The following CDH20 variants were observed in gnomAD, a reference collection of about 807,000 sequenced individuals.
CDH20 encodes the protein cadherin 20.
CDH20 carries 29 observed loss-of-function variants against 74.2 expected under a neutral mutation model. The ratio of observed to expected loss-of-function variants is 0.39; its 90% CI spans 0.29 to 0.53. CDH20 has a LOEUF of 0.53. Ranked by LOEUF, CDH20 falls within the 20% of genes least tolerant of loss-of-function variation. The probability of loss-of-function intolerance (pLI) is 0.69; values close to 1 mark genes in which losing one functional copy is unlikely to be tolerated. For missense variants in CDH20, 988 were observed against 1,048.3 expected (o/e 0.94, Z 0.79); for synonymous variants, 469 against 405.4 (o/e 1.16, Z -1.88).
chr18:61,510,461 A>C (rs1911738673), intron 6 of CDH20, among the ~76,000 whole-genome samples: 1 of 152,192 alleles, frequency 6.6e-6, no homozygotes, highest in Admixed American at 6.5e-5. Context: ...CTTGACAAAA[A>C]CCACAGTTAT....
chr18:61,506,243 G>A (rs1757613087), intron 5 of CDH20, among the ~76,000 whole-genome samples: 1 of 152,218 alleles, frequency 6.6e-6, no homozygotes, highest in Non-Finnish European at 1.5e-5. Context: ...TTCTGCAACA[G>A]CAAAGTGTAA....
At chr18:61,540,134 CCT>C (rs2144395019) in intron 9 of CDH20, among the ~76,000 whole-genome samples, 1 of 152,272 alleles carries the variant, frequency 6.6e-6, no homozygotes, top group Non-Finnish European at 1.5e-5. Context: ...GCTTTCCTCC[CCT>C]GTGTATGACC....
chr18:61,498,451 G>A (rs1911249952), intron 2 of CDH20, among the ~76,000 whole-genome samples: 1 of 151,512 alleles, frequency 6.6e-6, no homozygotes, highest in South Asian at 2.1e-4. Context: ...ATAGCTGCAT[G>A]GTCAGATAAA....
At chr18:61,418,982 A>G (rs950616961) in intron 1 of CDH20, among the ~76,000 whole-genome samples, 3 of 152,170 alleles carry the variant, frequency 2.0e-5, no homozygotes, top group African/African-American at 7.2e-5. Flanking sequence ...TCTATACATC[A>G]GAACTCATAT....
At chr18:61,349,874 G>T (rs989992123) in intron 1 of CDH20, among the ~76,000 whole-genome samples, 1 of 152,036 alleles carries the variant, frequency 6.6e-6, no homozygotes, top group Non-Finnish European at 1.5e-5. Flanking sequence ...AACTACATGA[G>T]CTGAAGATTT....
chr18:61,357,289 T>C (rs17068214), intron 1 of CDH20, among the ~76,000 whole-genome samples: 6,343 of 152,314 alleles, frequency 0.042, 188 homozygotes, highest in South Asian at 0.057. Flanking sequence ...CCCTAACCAT[T>C]TGTACTTTTA....
At chr18:61,396,701 A>G (rs369225284) in intron 1 of CDH20, among the ~76,000 whole-genome samples, 28 of 152,232 alleles carry the variant, frequency 1.8e-4, no homozygotes, top group African/African-American at 6.8e-4. Flanking sequence ...TTCAGTCCAT[A>G]AATGCACATG....
chr18:61,500,082 G>A (rs1013316357), intron 3 of CDH20, among the ~76,000 whole-genome samples: 1 of 114,794 alleles, frequency 8.7e-6, no homozygotes, highest in Non-Finnish European at 1.7e-5. Flanking sequence ...CCAGCCTGGC[G>A]ACAGAGTGAG....
chr18:61,506,564 A>C (rs895822173), intron 5 of CDH20, among the ~76,000 whole-genome samples: 1 of 152,228 alleles, frequency 6.6e-6, no homozygotes, highest in Non-Finnish European at 1.5e-5. Flanking sequence ...TGATTGACAA[A>C]ATAACAAAAA....
intron 1 of CDH20, among the ~76,000 whole-genome samples, chr18:61,456,484 T>C (rs1909573938): frequency 3.9e-5 from 6 of 152,186 alleles, no homozygotes; most frequent in Admixed American, 3.9e-4. Flanking sequence ...GAGCTGCTTT[T>C]ATGTTTAAAA....
intron 1 of CDH20, among the ~76,000 whole-genome samples, chr18:61,420,272 C>T (rs1455845935): frequency 6.6e-6 from 1 of 151,948 alleles, no homozygotes; most frequent in Non-Finnish European, 1.5e-5. Flanking sequence ...TGCTGCTAAC[C>T]TAATTTATGA....
chr18:61,543,726 C>T lies in CDH20; in HGVS notation c.1531-1301C>T, dbSNP rs185341537. The stretch of plus-strand genomic sequence containing the variant: ...TCTCCCTCCTGCCAACAAAATGTGA[C>T]TCTCTGTGACCCATTCCCTCATGTC... On this transcript the variant is annotated intron_variant, in intron 9 of 11. Transcript: ENST00000262717. Among the ~76,000 whole-genome samples the T allele has an allele frequency of 1.5e-3, 224 of 152,324 alleles. 2 individuals carry two copies. Among genetic ancestry groups the T allele is most frequent in the Non-Finnish European group, 7.3e-5 (5 of 68,032 alleles).
intron 1 of CDH20, among the ~76,000 whole-genome samples, chr18:61,445,272 A>C (rs1456600009): frequency 6.6e-6 from 1 of 152,002 alleles, no homozygotes; most frequent in Non-Finnish European, 1.5e-5. Flanking sequence ...AATCTATAAC[A>C]ACCCTGCAAG....
At chr18:61,451,529 C>G (rs1263460845) in intron 1 of CDH20, among the ~76,000 whole-genome samples, 1 of 151,922 alleles carries the variant, frequency 6.6e-6, no homozygotes, top group Non-Finnish European at 1.5e-5. Flanking sequence ...AGTATTTATA[C>G]TATGGAAATC....
intron 1 of CDH20, among the ~76,000 whole-genome samples, chr18:61,484,737 CCACACACACACACACA>C (rs36203080): frequency 0.012 from 1,804 of 146,324 alleles, 33 homozygotes; most frequent in African/African-American, 0.03. Context: ...TTGCTCTACT[CCACACACACACACACA>C]CACACACACA....
intron 5 of CDH20, among the ~76,000 whole-genome samples, chr18:61,503,551 C>T (rs898761354): frequency 1.3e-5 from 2 of 152,342 alleles, no homozygotes; most frequent in African/African-American, 4.8e-5. Context: ...AATGCATTCA[C>T]TGATACCCAA....
At chr18:61,453,365 T>C (rs1166293655) in intron 1 of CDH20, among the ~76,000 whole-genome samples, 1 of 152,050 alleles carries the variant, frequency 6.6e-6, no homozygotes, top group African/African-American at 2.4e-5. Context: ...GCAACCTCCA[T>C]CTCCCGGGTT....
At chr18:61,369,341 G>C (rs1344575518) in intron 1 of CDH20, among the ~76,000 whole-genome samples, 1 of 152,074 alleles carries the variant, frequency 6.6e-6, no homozygotes, top group Non-Finnish European at 1.5e-5. Context: ...AAAATATCCA[G>C]GATAGGTTTT....
chr18:61,391,386 C>T (rs545619883), intron 1 of CDH20, among the ~76,000 whole-genome samples: 150 of 152,002 alleles, frequency 9.9e-4, no homozygotes, highest in African/African-American at 3.6e-3. Context: ...AGTATGTTTC[C>T]GAGAGTTGGT....
Sources: gnomAD v4.1 joint callset for allele counts (sites outside exome capture counted in the v4.1 genomes callset) on GRCh38, gnomAD v4.1.1 for gene constraint, MANE v1.5 for transcripts, NCBI Gene and HGNC (gene_info 2026-07-23, HGNC 2026-07-21) for gene names.